CA10: variants seen among roughly 807,000 people sequenced by gnomAD.
CA10 encodes the protein carbonic anhydrase-related protein 10.
In CA10, 14 loss-of-function variants were observed where a neutral mutation model predicts 44.2. The ratio of observed to expected loss-of-function variants is 0.32; its 90% CI spans 0.21 to 0.50. The LOEUF (loss-of-function observed/expected upper bound fraction) is 0.50. CA10 is among the 20% of genes least tolerant of loss of function. The pLI, the probability that CA10 is intolerant of heterozygous loss-of-function variation, is 0.99. For missense variants in CA10, 350 were observed against 409.7 expected, an observed-to-expected ratio of 0.85 and a Z score of 1.26; for synonymous variants, 159 against 141.6, an observed-to-expected ratio of 1.12 and a Z score of -0.87.
At chr17:51,815,431 G>A (rs1907526615) in intron 3 of CA10, among the ~76,000 whole-genome samples, 1 of 152,080 alleles carries the variant, frequency 6.6e-6, no homozygotes. Context: ...AAAGACTTCT[G>A]GGGCTCACTG....
At chr17:51,816,074 C>T (rs749420682) in intron 3 of CA10, among the ~76,000 whole-genome samples, 4 of 152,106 alleles carry the variant, frequency 2.6e-5, no homozygotes, top group Non-Finnish European at 5.9e-5. Context: ...CCCCCCGGCC[C>T]CCTGCTACCC....
At chr17:51,806,365 T>C (rs903318672) in intron 3 of CA10, among the ~76,000 whole-genome samples, 6 of 152,324 alleles carry the variant, frequency 3.9e-5, no homozygotes, top group South Asian at 4.1e-4. Context: ...TTTGCTTCCA[T>C]AGAGCTCAAT....
chr17:51,981,003 T>C (rs987365134), intron 2 of CA10, among the ~76,000 whole-genome samples: 2 of 152,030 alleles, frequency 1.3e-5, no homozygotes, highest in East Asian at 1.9e-4. Flanking sequence ...ATGGAATAGA[T>C]AAAATTGAAA....
chr17:52,085,919 A>G (rs1406998145), intron 1 of CA10, among the ~76,000 whole-genome samples: 1 of 152,220 alleles, frequency 6.6e-6, no homozygotes, highest in Non-Finnish European at 1.5e-5. Flanking sequence ...TTGCTCAAAC[A>G]CTACCTTCTA....
At chr17:51,923,529 T>C (rs200433463) in intron 3 of CA10, among the ~76,000 whole-genome samples, 26 of 152,298 alleles carry the variant, frequency 1.7e-4, no homozygotes, top group African/African-American at 6.0e-4. Context: ...TGTCTATATT[T>C]TCTCCCCAAA....
At chr17:51,644,644 A>G (rs1458262087) in intron 6 of CA10, among the ~76,000 whole-genome samples, 2 of 152,012 alleles carry the variant, frequency 1.3e-5, no homozygotes, top group East Asian at 3.9e-4. Flanking sequence ...CTTCCCACCC[A>G]CGGATACGCT....
chr17:51,822,874 T>C (rs1470931919), intron 3 of CA10, among the ~76,000 whole-genome samples: 2 of 152,192 alleles, frequency 1.3e-5, no homozygotes, highest in Non-Finnish European at 2.9e-5. Context: ...AGGTCATGAT[T>C]CATTTGTGAA....
rs555017172 is a variant in CA10, at chr17:51,895,140, T to C, written c.279+35850A>G. ...ACCAGGACCCTATACCACACTCTTA[T>C]CTACTTGCATGCGGATATGGAAAAA... On this transcript the variant is annotated intron_variant, in intron 3 of 8. Coordinates refer to ENST00000451037, the MANE Select transcript of CA10 (RefSeq NM_020178.5). 5.9e-5 allele frequency among the ~76,000 whole-genome samples: 9 copies of C among 152,228 alleles called. No homozygotes were observed. In the South Asian group the frequency reaches 1.2e-3, roughly 21 times the overall value.
rs544000147 is a variant in CA10, at chr17:51,704,362, G to A, written c.465+43271C>T. ...ATTGAAACAATGGTTACAAGCACAA[G>A]GCGTTAAGTCAAAAGACCTTGGTTT... On this transcript the variant is annotated intron_variant, in intron 4 of 8. Coordinates refer to ENST00000451037, the MANE Select transcript of CA10 (RefSeq NM_020178.5). Among the ~76,000 whole-genome samples, 6 of 152,322 alleles carry A rather than the reference G, an allele frequency of 3.9e-5. No homozygotes were observed. In the East Asian group the frequency reaches 1.2e-3, roughly 29 times the overall value.
At chr17:52,144,710 T>C (rs899624113) in intron 1 of CA10, among the ~76,000 whole-genome samples, 1 of 152,230 alleles carries the variant, frequency 6.6e-6, no homozygotes, top group East Asian at 1.9e-4. Context: ...CACTTTCACA[T>C]GCATTGGCTC....
chr17:51,763,657 A>G (rs1219854711), intron 3 of CA10, among the ~76,000 whole-genome samples: 4 of 152,180 alleles, frequency 2.6e-5, no homozygotes, highest in African/African-American at 2.4e-5. Flanking sequence ...CATTTCTGCT[A>G]TGCAATCCCC....
Position 52,010,245 on chromosome 17 carries a change from T to C in CA10, c.136+62074A>G, listed in dbSNP as rs187673651. On this transcript the variant is annotated intron_variant, in intron 2 of 8. Transcript: ENST00000451037. The stretch of plus-strand genomic sequence containing the variant: ...TACTGTTTAATCCATCAATCCCACT[T>C]CTCGGTATCTACCTAGAGGAAAAGA... Among the ~76,000 whole-genome samples, 248 of 152,014 alleles carry C rather than the reference T, an allele frequency of 1.6e-3. 1 individual carries two copies. The highest frequency in any genetic ancestry group is 5.9e-3 in the African/African-American group (244 of 41,506).
intron 2 of CA10, among the ~76,000 whole-genome samples, chr17:51,988,409 C>A (rs1984921406): frequency 6.6e-6 from 1 of 151,782 alleles, no homozygotes; most frequent in South Asian, 2.1e-4. Context: ...GAAGAAAGAT[C>A]CTCATAAAAG....
At chr17:52,114,599 A>T (rs1988851767) in intron 1 of CA10, among the ~76,000 whole-genome samples, 1 of 152,202 alleles carries the variant, frequency 6.6e-6, no homozygotes, top group Admixed American at 6.5e-5. Context: ...CAGAATTAGT[A>T]ATTCTTTTAA....
intron 2 of CA10, among the ~76,000 whole-genome samples, chr17:52,061,569 G>A (rs7222496): frequency 0.5 from 76,003 of 152,024 alleles, 19,796 homozygotes; most frequent in African/African-American, 0.62. Flanking sequence ...GAGAGACCTA[G>A]TGGGAGGTGA....
intron 2 of CA10, chr17:52,070,550 G>C (rs1233862561): frequency 2.0e-5 from 3 of 152,206 alleles, no homozygotes; most frequent in Non-Finnish European, 4.4e-5. Flanking sequence ...ACAGAACCCA[G>C]ACTCAAGTCC....
At chr17:52,059,977 C>A (rs896378783) in intron 2 of CA10, among the ~76,000 whole-genome samples, 1 of 152,210 alleles carries the variant, frequency 6.6e-6, no homozygotes, top group Non-Finnish European at 1.5e-5. Flanking sequence ...CTAGGTCCAA[C>A]TCCATCATTC....
chr17:51,665,104 C>T (rs1370713507), intron 4 of CA10, among the ~76,000 whole-genome samples: 1 of 152,192 alleles, frequency 6.6e-6, no homozygotes, highest in African/African-American at 2.4e-5. Flanking sequence ...CACATAACAT[C>T]TATTAGATAA....
At chr17:51,743,723 G>A (rs1263980) in intron 4 of CA10, among the ~76,000 whole-genome samples, 1 of 151,994 alleles carries the variant, frequency 6.6e-6, no homozygotes, top group Non-Finnish European at 1.5e-5. Flanking sequence ...AGATAGGGCA[G>A]ATGGCAATGT....
Sources: allele counts gnomAD v4.1 joint callset (sites outside exome capture counted in the v4.1 genomes callset), GRCh38; gene constraint gnomAD v4.1.1; transcripts MANE v1.5; gene names NCBI Gene and HGNC (gene_info 2026-07-23, HGNC 2026-07-21).